The following GALNT13 variants were observed in gnomAD, a reference collection of about 807,000 sequenced individuals.
GALNT13 encodes the protein polypeptide N-acetylgalactosaminyltransferase 13, also known as UDP-GalNAc:polypeptide N-acetylgalactosaminyltransferase 13.
Under a neutral mutation model 64.2 loss-of-function variants are expected in GALNT13, and 28 were observed. The observed-to-expected ratio is 0.44, with a 90% CI of 0.32 to 0.60. GALNT13 has a LOEUF of 0.60. Ranked by LOEUF, GALNT13 falls within the 20% of genes least tolerant of loss-of-function variation. The probability of loss-of-function intolerance (pLI) is 0.05; values close to 1 mark genes in which losing one functional copy is unlikely to be tolerated. For missense variants in GALNT13, 577 were observed against 669.8 expected (o/e 0.86, Z 1.53); for synonymous variants, 214 against 224.6 (o/e 0.95, Z 0.42).
rs183094609 is a variant in GALNT13 at position 153,905,046 on chromosome 2, G to A, written c.-105+4039G>A. Among the ~76,000 whole-genome samples the A allele has an allele frequency of 2.7e-3, 415 of 151,708 alleles. 1 individual carries two copies. The highest frequency in any genetic ancestry group is 9.8e-3 in the African/African-American group (405 of 41,416). ...CACTTATAACACTATTTTAACTATG[G>A]CTACTTTTTAAATATTCTTAATATC... On this transcript the variant is annotated intron_variant, in intron 2 of 12. Transcript: ENST00000392825.
the GALNT13 span, among the ~76,000 whole-genome samples, chr2:153,420,214 C>T: frequency 4.6e-5 from 7 of 152,076 alleles, no homozygotes; most frequent in Admixed American, 4.6e-4. Flanking sequence ...TTTAATGCCA[C>T]TGGACCTTAT....
chr2:154,231,039 TC>T (rs1298802111), intron 4 of GALNT13, among the ~76,000 whole-genome samples: 1 of 152,114 alleles, frequency 6.6e-6, no homozygotes, highest in African/African-American at 2.4e-5. Flanking sequence ...TTAGATTTCC[TC>T]CAGCTATCAC....
chr2:154,386,669 C>G (rs1184510556), intron 9 of GALNT13, among the ~76,000 whole-genome samples: 1 of 152,060 alleles, frequency 6.6e-6, no homozygotes, highest in African/African-American at 2.4e-5. Flanking sequence ...ATATATTAGA[C>G]TGAGTTAATT....
the GALNT13 span, among the ~76,000 whole-genome samples, chr2:153,645,468 G>A: frequency 2.4e-4 from 36 of 152,120 alleles, no homozygotes; most frequent in African/African-American, 7.7e-4. Flanking sequence ...AAAATTCTGA[G>A]ATAAAGTGAT....
the GALNT13 span, among the ~76,000 whole-genome samples, chr2:153,784,442 G>A: frequency 1.3e-5 from 2 of 152,140 alleles, no homozygotes; most frequent in Non-Finnish European, 2.9e-5. Context: ...GAGCATAAAC[G>A]TTTAGAAAAT....
At chr2:154,312,847 G>A (rs572878582) in intron 9 of GALNT13, among the ~76,000 whole-genome samples, 1 of 152,090 alleles carries the variant, frequency 6.6e-6, no homozygotes, top group Admixed American at 6.6e-5. Flanking sequence ...CTTATGAAAA[G>A]GGGCTTTGTT....
the GALNT13 span, chr2:153,478,709 G>T: frequency 1.3e-5 from 9 of 695,978 alleles, no homozygotes; most frequent in Non-Finnish European, 2.2e-5. Flanking sequence ...AAGTCCCTGG[G>T]CCGTGGGAGT....
chr2:154,395,652 TAAG>T (rs1208517211), intron 9 of GALNT13, among the ~76,000 whole-genome samples: 3 of 152,102 alleles, frequency 2.0e-5, no homozygotes, highest in African/African-American at 7.2e-5. Context: ...AATTTTTTAT[TAAG>T]GAGAAACAGA....
chr2:153,763,550 C>T, the GALNT13 span, among the ~76,000 whole-genome samples: 2 of 152,174 alleles, frequency 1.3e-5, no homozygotes, highest in Non-Finnish European at 2.9e-5. Flanking sequence ...CGTGATTTTG[C>T]TCCTCCTTTG....
the GALNT13 span, among the ~76,000 whole-genome samples, chr2:153,636,674 C>G: frequency 6.6e-6 from 1 of 152,138 alleles, no homozygotes; most frequent in Non-Finnish European, 1.5e-5. Flanking sequence ...CCAGGCTTCT[C>G]TTCCTTCTAG....
the GALNT13 span, among the ~76,000 whole-genome samples, chr2:153,550,409 T>C: frequency 6.6e-6 from 1 of 152,056 alleles, no homozygotes; most frequent in Non-Finnish European, 1.5e-5. Context: ...TATTTTTTTT[T>C]TTAAGTAGAG....
intron 3 of GALNT13, among the ~76,000 whole-genome samples, chr2:154,063,161 A>G (rs921791698): frequency 9.2e-5 from 14 of 152,022 alleles, no homozygotes; most frequent in African/African-American, 3.4e-4. Context: ...TCACTGCCTC[A>G]TTTCAATCCC....
intron 8 of GALNT13, among the ~76,000 whole-genome samples, chr2:154,283,554 G>A (rs1267000876): frequency 1.3e-5 from 2 of 148,898 alleles, no homozygotes; most frequent in Non-Finnish European, 3.0e-5. Flanking sequence ...CTCCAGCCTG[G>A]GCGACAGAGC....
intron 12 of GALNT13, among the ~76,000 whole-genome samples, chr2:154,443,415 CAGA>C (rs1246363445): frequency 1.3e-5 from 2 of 151,996 alleles, no homozygotes; most frequent in South Asian, 2.1e-4. Context: ...GCTTGATTAA[CAGA>C]AGAACTCCTA....
chr2:154,241,824 A>G (rs900682217), intron 4 of GALNT13, among the ~76,000 whole-genome samples: 2 of 152,230 alleles, frequency 1.3e-5, no homozygotes, highest in South Asian at 2.1e-4. Context: ...AAATAAAAAT[A>G]TTAGTAATTA....
At chr2:154,406,340 C>T (rs1469153) in intron 10 of GALNT13, among the ~76,000 whole-genome samples, 99,040 of 151,880 alleles carry the variant, frequency 0.65, 32,841 homozygotes, top group Admixed American at 0.73. Context: ...GTCTTTCCTC[C>T]CTCTAATCTG....
At chr2:154,277,751 A>G (rs1307200869) in intron 8 of GALNT13, among the ~76,000 whole-genome samples, 2 of 152,194 alleles carry the variant, frequency 1.3e-5, no homozygotes, top group African/African-American at 4.8e-5. Context: ...CTACCCTTAA[A>G]AATTATATTC....
At chr2:153,491,011 G>A in the GALNT13 span, among the ~76,000 whole-genome samples, 1 of 150,714 alleles carries the variant, frequency 6.6e-6, no homozygotes, top group South Asian at 2.1e-4. Context: ...CAACCTGATA[G>A]TATCGATATA....
intron 3 of GALNT13, among the ~76,000 whole-genome samples, chr2:154,136,094 A>G (rs919937831): frequency 1.3e-5 from 2 of 152,226 alleles, no homozygotes; most frequent in East Asian, 1.9e-4. Context: ...GAGAGGGACT[A>G]AAAGTCAGTG....
Sources: allele counts gnomAD v4.1 joint callset (sites outside exome capture counted in the v4.1 genomes callset), GRCh38; gene constraint gnomAD v4.1.1; transcripts MANE v1.5; gene names NCBI Gene and HGNC (gene_info 2026-07-23, HGNC 2026-07-21).